Variants in MRE11 observed in about 807,000 individuals in gnomAD.
The protein encoded by MRE11 is double-strand break repair protein MRE11.
In MRE11, 62 loss-of-function variants were observed where a neutral mutation model predicts 91.7. The ratio of observed to expected loss-of-function variants is 0.68; its 90% CI spans 0.55 to 0.84. The LOEUF (loss-of-function observed/expected upper bound fraction) is 0.84, where lower values mean the gene tolerates loss of function less well. Among genes scored for constraint, MRE11 ranks in the 40% least tolerant of loss-of-function variants. MRE11 has a pLI of 0.00. For synonymous variants in MRE11, 273 were observed against 271.4 expected (o/e 1.01, Z -0.06); for missense variants, 796 against 852.9 (o/e 0.93, Z 0.83).
At chr11:94,456,434 A>G in intron 13 of MRE11, 96 bp from the exon 14 acceptor site, 1 of 959,940 alleles carries the variant, frequency 1.0e-6, no homozygotes, top group Non-Finnish European at 1.6e-6. Context: ...TTATGTTATA[A>G]AACTTGCAAA....
At chr11:94,435,766 T>G (rs1315272867) in intron 18 of MRE11, 66 bp downstream of exon 18, 2 of 1,372,590 alleles carry the variant, frequency 1.5e-6, no homozygotes, top group African/African-American at 1.4e-5. Context: ...AATGTGTAAC[T>G]TTGGAATTCT....
chr11:94,464,333 C>A (rs534331319), intron 10 of MRE11, 94 bp from the exon 11 acceptor site: 1 of 1,498,986 alleles, frequency 6.7e-7, no homozygotes, highest in Admixed American at 1.8e-5. Flanking sequence ...AGTGTTTATG[C>A]TTGATACTTT....
At chr11:94,458,641 G>A (rs1946327802) in intron 13 of MRE11, among the ~76,000 whole-genome samples, 1 of 152,038 alleles carries the variant, frequency 6.6e-6, no homozygotes, top group Admixed American at 6.6e-5. Context: ...AATATACTCT[G>A]CCAAACTGCT....
chr11:94,422,493 T>TATC (rs376437179), intron 19 of MRE11, among the ~76,000 whole-genome samples: 12 of 151,992 alleles, frequency 7.9e-5, no homozygotes, highest in Middle Eastern at 6.8e-3. Flanking sequence ...GCTCTTGGGA[T>TATC]ATCATCATCA....
At chr11:94,481,318 A>G (rs555168115) in intron 4 of MRE11, among the ~76,000 whole-genome samples, 3 of 152,294 alleles carry the variant, frequency 2.0e-5, no homozygotes, top group Admixed American at 2.0e-4. Flanking sequence ...CGAAAAAAAA[A>G]AATAAAAGTT....
chr11:94,464,028 C>T, intron 11 of MRE11, 85 bp downstream of exon 11: 1 of 1,405,610 alleles, frequency 7.1e-7, no homozygotes. Context: ...AAACATCTTC[C>T]ATTATTATGT....
chr11:94,437,252 G>A lies in MRE11; in HGVS notation c.1868-17C>T. On this transcript the variant is annotated splice_polypyrimidine_tract_variant and intron_variant, in intron 16 of 19. Coordinates refer to ENST00000323929, the MANE Select transcript of MRE11 (RefSeq NM_005591.4). The stretch of plus-strand genomic sequence containing the variant: ...ATTTAAAGGCTAGAATGAAAAAGAT[G>A]AAATGTGCATTATGTTATTCTTAAA... The A allele has an allele frequency of 6.2e-7, 1 of 1,610,262 alleles. No individual in the cohort carries two copies. The highest frequency in any genetic ancestry group is 8.5e-7 in the Non-Finnish European group (1 of 1,177,510).
intron 11 of MRE11, among the ~76,000 whole-genome samples, chr11:94,461,801 C>T (rs1257774): frequency 0.29 from 43,958 of 152,040 alleles, 6,516 homozygotes; most frequent in Middle Eastern, 0.36. Context: ...GCAGACCAGG[C>T]GCGGTGGCTC....
intron 4 of MRE11, among the ~76,000 whole-genome samples, chr11:94,481,570 G>A (rs528384672): frequency 1.3e-5 from 2 of 152,156 alleles, no homozygotes; most frequent in African/African-American, 4.8e-5. Flanking sequence ...TCTGGGTCTT[G>A]TGTCATACTT....
chr11:94,497,103 C>T (rs1163663273), upstream of MRE11: 2 of 996,850 alleles, frequency 2.0e-6, no homozygotes, highest in Non-Finnish European at 3.1e-6. Flanking sequence ...TATTAAGCTG[C>T]AAAGTGTCAT....
intron 4 of MRE11, among the ~76,000 whole-genome samples, chr11:94,483,160 C>A (rs1232278327): frequency 3.9e-5 from 6 of 151,924 alleles, no homozygotes; most frequent in Non-Finnish European, 8.8e-5. Context: ...TATAAAGTCA[C>A]ACTTTAAAAA....
intron 16 of MRE11, among the ~76,000 whole-genome samples, chr11:94,441,542 G>A (rs1945778475): frequency 1.3e-5 from 2 of 152,050 alleles, no homozygotes; most frequent in Admixed American, 1.3e-4. Context: ...AACAGAAAGA[G>A]GCCAAAGACA....
At chr11:94,470,421 A>G in intron 9 of MRE11, 50 bp downstream of exon 9, 1 of 1,563,622 alleles carries the variant, frequency 6.4e-7, no homozygotes, top group East Asian at 2.2e-5. Flanking sequence ...TTGAAGGTGA[A>G]TAATTCTTCA....
intron 4 of MRE11, among the ~76,000 whole-genome samples, chr11:94,481,334 T>C (rs1947008841): frequency 6.6e-6 from 1 of 152,086 alleles, no homozygotes; most frequent in East Asian, 1.9e-4. Flanking sequence ...AAGTTAAATG[T>C]CATGTTATTT....
chr11:94,505,737 C>G, the MRE11 span, among the ~76,000 whole-genome samples: 6 of 152,096 alleles, frequency 3.9e-5, no homozygotes, highest in Non-Finnish European at 5.9e-5. Flanking sequence ...TCACATTTGC[C>G]CACCACTCAC....
intron 10 of MRE11, 57 bp downstream of exon 10, chr11:94,467,756 T>C (rs1186934199): frequency 1.7e-5 from 24 of 1,421,124 alleles, no homozygotes; most frequent in Non-Finnish European, 2.4e-5. Flanking sequence ...CCATGTAAAC[T>C]GTACATTACT....
intron 10 of MRE11, among the ~76,000 whole-genome samples, chr11:94,467,461 G>A (rs1353778081): frequency 3.9e-5 from 6 of 152,094 alleles, no homozygotes; most frequent in Non-Finnish European, 7.3e-5. Flanking sequence ...TGACACGGGA[G>A]CAGACTAAAG....
intron 16 of MRE11, among the ~76,000 whole-genome samples, chr11:94,439,395 C>A (rs1052779476): frequency 6.6e-6 from 1 of 152,042 alleles, no homozygotes; most frequent in Non-Finnish European, 1.5e-5. Flanking sequence ...GTTAAGTTAG[C>A]GAAACCATTA....
intron 19 of MRE11, among the ~76,000 whole-genome samples, chr11:94,428,973 A>T (rs1396870777): frequency 6.6e-6 from 1 of 152,206 alleles, no homozygotes; most frequent in African/African-American, 2.4e-5. Flanking sequence ...CAAGACTCTA[A>T]AAGGAATGTA....
Sources: gnomAD v4.1 joint callset for allele counts (sites outside exome capture counted in the v4.1 genomes callset) on GRCh38, gnomAD v4.1.1 for gene constraint, MANE v1.5 for transcripts, NCBI Gene and HGNC (gene_info 2026-07-23, HGNC 2026-07-21) for gene names.